The following KIRREL3 variants were observed in gnomAD, a reference collection of about 807,000 sequenced individuals.
KIRREL3 encodes the protein kirre like nephrin family adhesion molecule 3, also known as kin of IRRE-like protein 3.
Under a neutral mutation model 89.7 loss-of-function variants are expected in KIRREL3, and 36 were observed. The observed-to-expected ratio is 0.40, with a 90% CI of 0.31 to 0.53. The LOEUF (loss-of-function observed/expected upper bound fraction) is 0.53. KIRREL3 is among the 20% of genes least tolerant of loss of function. KIRREL3 has a pLI of 0.49. For missense variants in KIRREL3, 864 were observed against 1,056.6 expected, an observed-to-expected ratio of 0.82 and a Z score of 2.53; for synonymous variants, 445 against 441.4, an observed-to-expected ratio of 1.01 and a Z score of -0.10.
rs1056285569 is a variant in KIRREL3 at position 126,976,783 on chromosome 11, T to C, written c.55+23672A>G. On this transcript the variant is annotated intron_variant, in intron 1 of 16. Coordinates refer to ENST00000525144, the MANE Select transcript of KIRREL3 (RefSeq NM_032531.4). This position sits in a 1 kb window ranked among gnomAD's most constrained non-coding sequence, Gnocchi z 4.2. ...ACATACTCTTGATATGTCTACATCA[T>C]AGAAGGGTAAAGGAGAGGGGAGGTT... Among the ~76,000 whole-genome samples the C allele has an allele frequency of 6.6e-6, 1 of 152,202 alleles. No individual in the cohort carries two copies. The highest frequency in any genetic ancestry group is 6.5e-5 in the Admixed American group (1 of 15,276).
intron 1 of KIRREL3, among the ~76,000 whole-genome samples, chr11:126,585,988 GC>G (rs1941831586): frequency 6.6e-6 from 1 of 152,174 alleles, no homozygotes; most frequent in South Asian, 2.1e-4. Context: ...CTGAGTAATG[GC>G]CGTCTGCCTT....
At chr11:126,889,547 G>A (rs1945828867) in intron 1 of KIRREL3, among the ~76,000 whole-genome samples, 1 of 152,118 alleles carries the variant, frequency 6.6e-6, no homozygotes, top group Non-Finnish European at 1.5e-5. Flanking sequence ...TCTCCTCCCA[G>A]AACTCTAAAT....
intron 1 of KIRREL3, among the ~76,000 whole-genome samples, chr11:126,707,169 C>T (rs1361718769): frequency 2.0e-5 from 3 of 150,804 alleles, no homozygotes; most frequent in African/African-American, 4.9e-5. Context: ...TGGTCTTGAA[C>T]TGCTGGCCTC....
intron 1 of KIRREL3, among the ~76,000 whole-genome samples, chr11:126,855,469 C>A (rs1022035187): frequency 1.3e-5 from 2 of 152,224 alleles, no homozygotes; most frequent in Non-Finnish European, 1.5e-5. Context: ...TGTGAGTCAA[C>A]AAAACCTCTT....
intron 1 of KIRREL3, among the ~76,000 whole-genome samples, chr11:126,725,577 T>C (rs1948347634): frequency 6.6e-6 from 1 of 152,194 alleles, no homozygotes; most frequent in Admixed American, 6.5e-5. Flanking sequence ...TCTGAGTGTG[T>C]TTGTGTGCTC....
At chr11:126,438,123 C>T (rs1042142038) in intron 11 of KIRREL3, among the ~76,000 whole-genome samples, 15 of 152,232 alleles carry the variant, frequency 9.9e-5, no homozygotes, top group African/African-American at 2.7e-4. Flanking sequence ...CTGCGCACTG[C>T]GCCTCCACAC....
rs993598180 is a variant in KIRREL3 at position 126,428,927 on chromosome 11, G to T, written c.1806+252C>A. On this transcript the variant is annotated intron_variant, in intron 15 of 16. Coordinates refer to ENST00000525144, the MANE Select transcript of KIRREL3 (RefSeq NM_032531.4). This position sits in a 1 kb window ranked among gnomAD's most constrained non-coding sequence, Gnocchi z 6.4. ...CTCCCAAAGTGTTGGGATTGCAAGC[G>T]TGAGCCACTGCACCTGGCCTGGACT... Among the ~76,000 whole-genome samples the T allele has an allele frequency of 6.6e-6, 1 of 152,294 alleles. No homozygotes were observed. The highest frequency in any genetic ancestry group is 2.4e-5 in the African/African-American group (1 of 41,564).
At chr11:126,617,720 G>T (rs1943410642) in intron 1 of KIRREL3, among the ~76,000 whole-genome samples, 1 of 152,148 alleles carries the variant, frequency 6.6e-6, no homozygotes, top group Admixed American at 6.5e-5. Flanking sequence ...AGCAAGATAG[G>T]CATTTTTATC....
Position 126,578,013 on chromosome 11 carries a change from G to T in KIRREL3, c.56-15101C>A, listed in dbSNP as rs1210848520. 6.6e-6 allele frequency among the ~76,000 whole-genome samples: 1 copy of T among 152,116 alleles called. No homozygotes were observed. The highest frequency in any genetic ancestry group is 1.5e-5 in the Non-Finnish European group (1 of 68,024). ...TAAAGACAGGGAGCTCATTACTTTG[G>T]AAGCTGTGGTTTTCATTTTTGGAGA... On this transcript the variant is annotated intron_variant, in intron 1 of 16. Coordinates refer to ENST00000525144, the MANE Select transcript of KIRREL3 (RefSeq NM_032531.4). The surrounding 1 kb of genome is among the most constrained non-coding windows in gnomAD (Gnocchi z 4.9).
At chr11:126,662,226 A>T (rs1052472803) in intron 1 of KIRREL3, among the ~76,000 whole-genome samples, 8 of 152,172 alleles carry the variant, frequency 5.3e-5, no homozygotes, top group African/African-American at 1.4e-4. Flanking sequence ...ATAAAAGGAA[A>T]AATGCATTGC....
chr11:126,572,296 C>A (rs770302094), intron 1 of KIRREL3, among the ~76,000 whole-genome samples: 34 of 152,218 alleles, frequency 2.2e-4, no homozygotes, highest in Non-Finnish European at 5.9e-5. Flanking sequence ...AAGCCAGAGG[C>A]CCAATAACAG....
chr11:126,952,183 C>T (rs564025470), intron 1 of KIRREL3, among the ~76,000 whole-genome samples: 1 of 152,190 alleles, frequency 6.6e-6, no homozygotes, highest in Non-Finnish European at 1.5e-5. Flanking sequence ...GTCAGGAGTT[C>T]GAGAGCAGCC....
At chr11:126,546,818 C>T (rs1280507352) in intron 2 of KIRREL3, among the ~76,000 whole-genome samples, 2 of 152,138 alleles carry the variant, frequency 1.3e-5, no homozygotes, top group South Asian at 2.1e-4. Flanking sequence ...AATCGTGATG[C>T]ATATTTTCTC....
In KIRREL3 at chr11:126,942,725, C is replaced by A. The variant is rs182873736; in HGVS notation, c.55+57730G>T. 3.2e-4 allele frequency among the ~76,000 whole-genome samples: 48 copies of A among 152,322 alleles called. 1 individual carries two copies. Among genetic ancestry groups the A allele is most frequent in the Non-Finnish European group, 1.3e-4 (9 of 68,034 alleles). ...AGGTCTGAACATGCTGGCCTTCTCC[C>A]CTGCACTCTTTGTGTGGCCACTCCA... On this transcript the variant is annotated intron_variant, in intron 1 of 16. Transcript: ENST00000525144.
rs888242452 is a variant in KIRREL3 at position 126,576,366 on chromosome 11, C to G, written c.56-13454G>C. 6.6e-6 allele frequency among the ~76,000 whole-genome samples: 1 copy of G among 152,028 alleles called. No homozygotes were observed. The highest frequency in any genetic ancestry group is 2.1e-4 in the South Asian group (1 of 4,820). ...TATTCTAATTTCATTCATTCATTCT[C>G]ATTCATTCATTCATTCATTCAAGGA... On this transcript the variant is annotated intron_variant, in intron 1 of 16. Coordinates refer to ENST00000525144, the MANE Select transcript of KIRREL3 (RefSeq NM_032531.4). The surrounding 1 kb of genome is among the most constrained non-coding windows in gnomAD (Gnocchi z 5.4).
intron 1 of KIRREL3, among the ~76,000 whole-genome samples, chr11:126,732,011 G>A (rs1948635764): frequency 6.6e-6 from 1 of 152,226 alleles, no homozygotes; most frequent in Admixed American, 6.5e-5. Context: ...GGAAATCACT[G>A]CAGGAAGGGT....
chr11:126,517,064 T>C (rs1387729056), intron 4 of KIRREL3, among the ~76,000 whole-genome samples: 1 of 149,524 alleles, frequency 6.7e-6, no homozygotes, highest in East Asian at 2.0e-4. Flanking sequence ...CCAGGCTCCA[T>C]CTCAAAAAAC....
chr11:126,863,735 A>G (rs924386440), intron 1 of KIRREL3, among the ~76,000 whole-genome samples: 7 of 152,070 alleles, frequency 4.6e-5, no homozygotes, highest in Non-Finnish European at 1.0e-4. Flanking sequence ...ACAAAGAGGA[A>G]TGGAATCAGT....
At chr11:126,947,230 T>A (rs550829037) in intron 1 of KIRREL3, among the ~76,000 whole-genome samples, 2 of 152,302 alleles carry the variant, frequency 1.3e-5, no homozygotes, top group Admixed American at 1.3e-4. Context: ...TAGTTCTCAT[T>A]TTCAATTGCC....
Sources: gnomAD v4.1 joint callset for allele counts (sites outside exome capture counted in the v4.1 genomes callset) on GRCh38, gnomAD v4.1.1 for gene constraint, Gnocchi (gnomAD v3.1) non-coding constraint, MANE v1.5 for transcripts, NCBI Gene and HGNC (gene_info 2026-07-23, HGNC 2026-07-21) for gene names.